BTBD8: variants seen among roughly 807,000 people sequenced by gnomAD.
The protein encoded by BTBD8 is BTB/POZ domain-containing protein 8.
A neutral mutation model predicts 162.9 loss-of-function variants in BTBD8; 110 were observed. That is an observed-to-expected ratio of 0.68 (90% CI 0.58 to 0.79). The LOEUF (loss-of-function observed/expected upper bound fraction) is 0.79, where lower values mean the gene tolerates loss of function less well. Among genes scored for constraint, BTBD8 ranks in the 30% least tolerant of loss-of-function variants. The pLI is 0.00. For synonymous variants in BTBD8, 667 were observed against 716.1 expected, an observed-to-expected ratio of 0.93 and a Z score of 1.10; for missense variants, 1,905 against 2,085.4, an observed-to-expected ratio of 0.91 and a Z score of 1.68.
At chr1:92,165,519 A>AAG (rs954996498) in intron 9 of BTBD8, among the ~76,000 whole-genome samples, 18 of 151,950 alleles carry the variant, frequency 1.2e-4, no homozygotes, top group African/African-American at 4.1e-4. Context: ...AAAAAAAAAA[A>AAG]CAGAGGCTGT....
intron 5 of BTBD8, 138 bp from the exon 6 acceptor site, chr1:92,139,212 T>C: frequency 1.2e-6 from 1 of 815,980 alleles, no homozygotes; most frequent in Non-Finnish European, 1.8e-6. Flanking sequence ...CCTGCATGGA[T>C]GTTATTTGAA....
At chr1:92,165,123 A>T (rs1288264148) in intron 9 of BTBD8, among the ~76,000 whole-genome samples, 1 of 151,028 alleles carries the variant, frequency 6.6e-6, no homozygotes, top group Admixed American at 6.6e-5. Context: ...TTGTGTCAAA[A>T]AAAAAAAAAA....
At chr1:92,123,136 C>A (rs1257847746) in intron 4 of BTBD8, among the ~76,000 whole-genome samples, 1 of 152,152 alleles carries the variant, frequency 6.6e-6, no homozygotes, top group East Asian at 1.9e-4. Flanking sequence ...TTAACGCCCT[C>A]ATGAAAAGCA....
chr1:92,178,555 T>G, intron 16 of BTBD8, 104 bp downstream of exon 16: 1 of 839,444 alleles, frequency 1.2e-6, no homozygotes, highest in Non-Finnish European at 1.8e-6. Context: ...CAAAATATGG[T>G]TTTACTCATT....
intron 5 of BTBD8, 92 bp from the exon 6 acceptor site, chr1:92,139,258 T>A (rs769231777): frequency 3.0e-6 from 4 of 1,349,924 alleles, no homozygotes; most frequent in Non-Finnish European, 4.0e-6. Flanking sequence ...GATTAGAACA[T>A]CATCTTGGCT....
In BTBD8 at chr1:92,168,167, G is replaced by A. The variant is rs115680737; in HGVS notation, c.1443+182G>A. Among the ~76,000 whole-genome samples the A allele has an allele frequency of 1.8e-3, 270 of 152,206 alleles. 3 individuals are homozygous for A. Among genetic ancestry groups the A allele is most frequent in the African/African-American group, 5.9e-3 (245 of 41,552 alleles). ...TATAATACTAAATTTTAAAAATTCC[G>A]TTTGTCTCCAAATGGACTTCTTATA... On this transcript the variant is annotated intron_variant, in intron 11 of 17. Transcript: ENST00000636805.
chr1:92,112,351 C>T (rs1264756455), intron 4 of BTBD8, among the ~76,000 whole-genome samples: 3 of 152,022 alleles, frequency 2.0e-5, no homozygotes, highest in Non-Finnish European at 4.4e-5. Context: ...TTGCAATGAG[C>T]CAGTGAGTGC....
intron 2 of BTBD8, among the ~76,000 whole-genome samples, chr1:92,095,093 C>G (rs77796270): frequency 6.6e-6 from 1 of 152,170 alleles, no homozygotes; most frequent in African/African-American, 2.4e-5. Flanking sequence ...TAGTAAATGA[C>G]TTGCCTGTGA....
At chr1:92,113,697 A>T (rs958154761) in intron 4 of BTBD8, among the ~76,000 whole-genome samples, 2 of 150,584 alleles carry the variant, frequency 1.3e-5, no homozygotes, top group African/African-American at 5.0e-5. Context: ...AGCTGAAGCT[A>T]TCAGTCATTA....
chr1:92,134,515 G>T (rs1649586532), intron 5 of BTBD8, among the ~76,000 whole-genome samples: 1 of 152,034 alleles, frequency 6.6e-6, no homozygotes, highest in African/African-American at 2.4e-5. Flanking sequence ...ATTTTGCATG[G>T]CTGGCTTCTT....
At chr1:92,143,175 G>T (rs574367615) in intron 7 of BTBD8, among the ~76,000 whole-genome samples, 1 of 152,158 alleles carries the variant, frequency 6.6e-6, no homozygotes, top group Non-Finnish European at 1.5e-5. Flanking sequence ...GAAAGCATTC[G>T]TTGGGAAAAT....
At chr1:92,127,551 T>TG (rs1649391519) in intron 4 of BTBD8, among the ~76,000 whole-genome samples, 1 of 92,792 alleles carries the variant, frequency 1.1e-5, no homozygotes, top group African/African-American at 5.2e-5. Context: ...ATTTTGGAAG[T>TG]TTTTGTTTGT....
intron 4 of BTBD8, among the ~76,000 whole-genome samples, chr1:92,109,252 CTTTT>C (rs77374096): frequency 4.0e-5 from 5 of 123,978 alleles, no homozygotes; most frequent in East Asian, 2.4e-4. Flanking sequence ...GTCTTGTTTT[CTTTT>C]TTTTTTTTTT....
chr1:92,159,396 C>T (rs1414578449), intron 9 of BTBD8, among the ~76,000 whole-genome samples: 6 of 151,798 alleles, frequency 4.0e-5, no homozygotes, highest in Non-Finnish European at 7.4e-5. Flanking sequence ...AGGCTGGTCT[C>T]GAACTCCTGA....
At chr1:92,130,408 G>T (rs1319267887) in intron 5 of BTBD8, among the ~76,000 whole-genome samples, 1 of 151,342 alleles carries the variant, frequency 6.6e-6, no homozygotes, top group Non-Finnish European at 1.5e-5. Flanking sequence ...GTGTTGCCCA[G>T]GCTGGAGTGC....
At chr1:92,111,800 G>T (rs1368642956) in intron 4 of BTBD8, among the ~76,000 whole-genome samples, 1 of 152,094 alleles carries the variant, frequency 6.6e-6, no homozygotes, top group Non-Finnish European at 1.5e-5. Context: ...TGTAAGACTG[G>T]CACATATGTT....
chr1:92,125,920 G>A (rs560690997), intron 4 of BTBD8: 161 of 438,790 alleles, frequency 3.7e-4, no homozygotes, highest in Non-Finnish European at 5.8e-4. Flanking sequence ...GAAGGAGGGA[G>A]CTTTGGAGAA....
chr1:92,167,955 A>G lies in BTBD8; in HGVS notation c.1413A>G (p.Thr471=), dbSNP rs1419518284. ...GCTCTCTTCTTATGGCTCTGGACAC[A>G]CTGCTGAACTCTGACAGTACAAAGG... ...NSCSLLMALD[T]LLNSDSTKEM... The change falls in exon 11 of 18, where the codon ACA becomes ACG. Residue 471 remains threonine, a synonymous_variant. Transcript: ENST00000636805. 3 of 1,548,606 alleles carry G rather than the reference A, an allele frequency of 1.9e-6. No homozygotes were observed. The highest frequency in any genetic ancestry group is 1.7e-6 in the Non-Finnish European group (2 of 1,145,102).
At chr1:92,116,307 G>A (rs1649041560) in intron 4 of BTBD8, among the ~76,000 whole-genome samples, 1 of 152,090 alleles carries the variant, frequency 6.6e-6, no homozygotes, top group Non-Finnish European at 1.5e-5. Flanking sequence ...AAGAATATGT[G>A]TTCTGTTGTC....
Sources: gnomAD v4.1 joint callset for allele counts (sites outside exome capture counted in the v4.1 genomes callset) on GRCh38, gnomAD v4.1.1 for gene constraint, MANE v1.5 for transcripts, NCBI Gene and HGNC (gene_info 2026-07-23, HGNC 2026-07-21) for gene names.